Variants in WAPL observed in about 807,000 individuals in gnomAD.
WAPL encodes wings apart-like protein homolog.
In WAPL, 5 loss-of-function variants were observed where a neutral mutation model predicts 121.0. The ratio of observed to expected loss-of-function variants is 0.04; its 90% CI spans 0.02 to 0.09. The LOEUF is 0.09. Ranked by LOEUF, WAPL falls within the 10% of genes least tolerant of loss-of-function variation. The pLI is 1.00. For synonymous variants in WAPL, 480 were observed against 481.5 expected (o/e 1.00, Z 0.04); for missense variants, 999 against 1,410.8 (o/e 0.71, Z 4.68).
intron 3 of WAPL, among the ~76,000 whole-genome samples, chr10:86,498,533 T>C (rs986639778): frequency 1.3e-5 from 2 of 152,208 alleles, no homozygotes; most frequent in Non-Finnish European, 2.9e-5. Flanking sequence ...GAATGACTTA[T>C]ATTCTACAAG....
intron 8 of WAPL, among the ~76,000 whole-genome samples, chr10:86,467,802 G>A (rs1422359692): frequency 6.6e-6 from 1 of 151,132 alleles, no homozygotes; most frequent in Admixed American, 6.6e-5. Flanking sequence ...TCAGCCTCCT[G>A]AGTAGCTCGG....
intron 4 of WAPL, among the ~76,000 whole-genome samples, chr10:86,487,856 C>T (rs1453292418): frequency 6.6e-6 from 1 of 152,132 alleles, no homozygotes; most frequent in Non-Finnish European, 1.5e-5. Flanking sequence ...GATCGCACCA[C>T]TGCACTCCAG....
intron 2 of WAPL, among the ~76,000 whole-genome samples, chr10:86,509,141 T>C (rs1842408522): frequency 6.6e-6 from 1 of 152,214 alleles, no homozygotes; most frequent in African/African-American, 2.4e-5. Flanking sequence ...AATATTTATA[T>C]ACTGAATTTC....
intron 4 of WAPL, among the ~76,000 whole-genome samples, chr10:86,489,272 A>G (rs560456432): frequency 3.9e-5 from 6 of 152,214 alleles, no homozygotes; most frequent in Non-Finnish European, 7.3e-5. Context: ...TTTAGGAGAC[A>G]TGGGGGTGTA....
chr10:86,455,697 G>GAAAAAAAAAAAAAAAAAA (rs1220963010), intron 12 of WAPL, among the ~76,000 whole-genome samples: 17 of 131,332 alleles, frequency 1.3e-4, no homozygotes, highest in Non-Finnish European at 2.0e-4. Context: ...AAAAAAAAAA[G>GAAAAAAAAAAAAAAAAAA]AAAGAAAGAA....
intron 4 of WAPL, among the ~76,000 whole-genome samples, chr10:86,484,720 A>AT (rs1466470405): frequency 6.6e-6 from 1 of 152,108 alleles, no homozygotes; most frequent in African/African-American, 2.4e-5. Flanking sequence ...TTTTATATGT[A>AT]TTTTTACTGT....
In WAPL at chr10:86,472,510, A is replaced by G; in HGVS notation, c.1893+102T>C. ...GGACAAAAGAAGTTTGTGGTTCAAA[A>G]CTGAGTATCAGTATACTGATATTTG... On this transcript the variant is annotated intron_variant, in intron 6 of 18. Transcript: ENST00000298767. The surrounding 1 kb of genome is among the most constrained non-coding windows in gnomAD (Gnocchi z 4.2). 1 of 1,532,508 alleles carries G rather than the reference A, an allele frequency of 6.5e-7. No homozygotes were observed. Among genetic ancestry groups the G allele is most frequent in the Non-Finnish European group, 8.8e-7 (1 of 1,140,974 alleles). The allele number at this position is 1,532,508 out of a possible 1,614,324, so 94.9% of individuals were successfully genotyped here. A position where few individuals can be genotyped will look rare whatever the true frequency, so the allele number is the denominator to read the frequency against.
At chr10:86,451,541 T>A (rs917772538) in intron 15 of WAPL, among the ~76,000 whole-genome samples, 1 of 152,014 alleles carries the variant, frequency 6.6e-6, no homozygotes, top group African/African-American at 2.4e-5. Context: ...TACAGGTGCA[T>A]GCCACCATGC....
Position 86,517,561 on chromosome 10 carries a change from C to A in WAPL, c.499+10G>T. 6.3e-7 allele frequency: 1 copy of A among 1,586,558 alleles called. No homozygotes were observed. The highest frequency in any genetic ancestry group is 1.1e-5 in the South Asian group (1 of 87,608). On this transcript the variant is annotated intron_variant, in intron 2 of 18. Transcript: ENST00000298767. ...TCTCTTGGCGGAGAATAAAGAAAAT[C>A]AAAACTTACCTGAAGTTATTAATTT...
intron 8 of WAPL, among the ~76,000 whole-genome samples, chr10:86,469,890 C>A (rs1274746551): frequency 1.3e-5 from 2 of 152,096 alleles, no homozygotes; most frequent in African/African-American, 4.8e-5. Context: ...CAAACGAATT[C>A]TCTTTTTTGT....
intron 4 of WAPL, among the ~76,000 whole-genome samples, chr10:86,485,308 C>T (rs956033016): frequency 3.3e-5 from 5 of 151,848 alleles, no homozygotes; most frequent in African/African-American, 1.2e-4. Flanking sequence ...ATTGGGAGGC[C>T]GAGGGAGGCG....
At position 86,437,220 on chromosome 10, in the gene WAPL, C is replaced by T. The variant is rs1849345203; in HGVS notation, c.*323G>A. 1 of 230,382 alleles carries T rather than the reference C, an allele frequency of 4.3e-6. No homozygotes were observed. The highest frequency in any genetic ancestry group is 2.3e-5 in the African/African-American group (1 of 43,314). 14.3% of individuals were successfully genotyped at this position (230,382 alleles called of 1,614,324 possible). A position where few individuals can be genotyped will look rare whatever the true frequency, so the allele number is the denominator to read the frequency against. On this transcript the variant is annotated 3_prime_UTR_variant, in exon 19 of 19. Transcript: ENST00000298767. The stretch of plus-strand genomic sequence containing the variant: ...GCACTAACAGCAGCACAAATTTTCC[C>T]CTTCAAACTTGCCCAGAATAAAGCA...
chr10:86,452,753 C>T (rs1274899808), intron 14 of WAPL, among the ~76,000 whole-genome samples: 1 of 151,276 alleles, frequency 6.6e-6, no homozygotes, highest in Non-Finnish European at 1.5e-5. Flanking sequence ...ATAAGAAGTA[C>T]GTTCAGCCAG....
chr10:86,443,684 T>C (rs760538490), intron 16 of WAPL: 14 of 231,476 alleles, frequency 6.0e-5, no homozygotes, highest in Non-Finnish European at 1.1e-4. Context: ...CCAGAACATA[T>C]AAAAAACATT....
rs112055175 is a variant in WAPL, at chr10:86,485,884, A to C, written c.1644+11317T>G. Among the ~76,000 whole-genome samples, 243 of 152,272 alleles carry C rather than the reference A, an allele frequency of 1.6e-3. 1 individual carries two copies. The highest frequency in any genetic ancestry group is 5.6e-3 in the African/African-American group (231 of 41,546). On this transcript the variant is annotated intron_variant, in intron 4 of 18. Transcript: ENST00000298767. ...TAGCACAGTGAAAGTCATGTAGTAAACACCAAACAAAAACAATGATGAAAA... is the reference window on the plus strand; with the variant it reads ...TAGCACAGTGAAAGTCATGTAGTAACCACCAAACAAAAACAATGATGAAAA...
intron 4 of WAPL, among the ~76,000 whole-genome samples, chr10:86,476,498 G>C (rs1841658041): frequency 6.6e-6 from 1 of 152,072 alleles, no homozygotes; most frequent in African/African-American, 2.4e-5. Flanking sequence ...AGACCAGCCT[G>C]GCCAACAGGA....
chr10:86,443,181 T>A lies in WAPL; in HGVS notation c.3411+94A>T, dbSNP rs534285144. 54 of 973,904 alleles carry A rather than the reference T, an allele frequency of 5.5e-5. No homozygotes were observed. In the South Asian group the frequency reaches 9.1e-4, roughly 16 times the overall value. 60.3% of individuals were successfully genotyped at this position (973,904 alleles called of 1,614,324 possible). A position where few individuals can be genotyped will look rare whatever the true frequency, so the allele number is the denominator to read the frequency against. On this transcript the variant is annotated intron_variant, in intron 17 of 18. Transcript: ENST00000298767. ...AAGTTGGACATTAAGGGGGAAACAC[T>A]GAAGAAATAAATAAGTGAAACATGT... is the stretch of plus-strand genomic sequence containing the variant.
chr10:86,454,929 C>T (rs1326868792), intron 12 of WAPL, among the ~76,000 whole-genome samples: 1 of 150,912 alleles, frequency 6.6e-6, no homozygotes, highest in Non-Finnish European at 1.5e-5. Flanking sequence ...CCGGCCACCC[C>T]GTCTGAGAAG....
intron 4 of WAPL, among the ~76,000 whole-genome samples, chr10:86,489,532 A>G (rs1841997970): frequency 5.3e-5 from 8 of 152,088 alleles, no homozygotes; most frequent in Admixed American, 5.2e-4. Flanking sequence ...GATGCATTTC[A>G]CTCCCCAGGA....
Sources: allele counts gnomAD v4.1 joint callset (sites outside exome capture counted in the v4.1 genomes callset), GRCh38; gene constraint gnomAD v4.1.1; non-coding constraint Gnocchi (gnomAD v3.1); transcripts MANE v1.5; gene names NCBI Gene and HGNC (gene_info 2026-07-23, HGNC 2026-07-21).